Variants in KIF5B observed in about 807,000 individuals in gnomAD.
KIF5B encodes kinesin family member 5B, also known as kinesin-1 heavy chain.
Under a neutral mutation model 132.8 loss-of-function variants are expected in KIF5B, and 49 were observed. The observed-to-expected ratio is 0.37, with a 90% CI of 0.29 to 0.47. The LOEUF (loss-of-function observed/expected upper bound fraction) is 0.47, where lower values mean the gene tolerates loss of function less well. Among genes scored for constraint, KIF5B ranks in the 20% least tolerant of loss-of-function variants. KIF5B has a pLI of 1.00. For synonymous variants in KIF5B, 355 were observed against 369.4 expected, an observed-to-expected ratio of 0.96 and a Z score of 0.45; for missense variants, 780 against 1,144.0, an observed-to-expected ratio of 0.68 and a Z score of 4.59.
chr10:32,043,185 T>C (rs1455550889), intron 2 of KIF5B, among the ~76,000 whole-genome samples: 1 of 152,152 alleles, frequency 6.6e-6, no homozygotes, highest in Non-Finnish European at 1.5e-5. Flanking sequence ...TTATTTTTAG[T>C]AGAGACAGGG....
intron 2 of KIF5B, among the ~76,000 whole-genome samples, chr10:32,042,509 C>T (rs967646177): frequency 1.3e-5 from 2 of 152,142 alleles, no homozygotes; most frequent in African/African-American, 2.4e-5. Context: ...AATGAGTATT[C>T]GATCAATTTA....
In KIF5B at chr10:32,036,511, C is replaced by A. The variant is rs566723263; in HGVS notation, c.712-517G>T. Among the ~76,000 whole-genome samples the A allele has an allele frequency of 6.4e-4, 98 of 152,188 alleles. No individual in the cohort carries two copies. In the Middle Eastern group the frequency reaches 0.014, roughly 21 times the overall value. ...CCCAGCTCACTGCAACCTCCGCTTC[C>A]CGGGTTCAACCAATTCTCCTGCCTC... On this transcript the variant is annotated intron_variant, in intron 8 of 25. Transcript: ENST00000302418.
rs1032584695 is a variant in KIF5B, at chr10:32,009,488, A to C, written c.*2049T>G. The C allele has an allele frequency of 2.0e-5, 3 of 152,206 alleles. No homozygotes were observed. The highest frequency in any genetic ancestry group is 1.5e-5 in the Non-Finnish European group (1 of 68,022). 9.4% of individuals were successfully genotyped at this position (152,206 alleles called of 1,614,324 possible). On this transcript the variant is annotated 3_prime_UTR_variant, in exon 26 of 26. Transcript: ENST00000302418. ...AACAAATTTATGAAATTCTTGGTAC[A>C]CTTTATGAAAGTCTGAAATTATAAA...
chr10:32,038,919 A>T lies in KIF5B; in HGVS notation c.394-93T>A. 3.9e-6 allele frequency: 3 copies of T among 759,812 alleles called. No individual in the cohort carries two copies. The East Asian group carries it at 8.1e-5, about 21-fold the overall frequency. The allele number at this position is 759,812 out of a possible 1,614,324, so 47.1% of individuals were successfully genotyped here. On this transcript the variant is annotated intron_variant, in intron 4 of 25. Coordinates refer to ENST00000302418, the MANE Select transcript of KIF5B (RefSeq NM_004521.3). ...GAGTGCTAGGCATTGTTTAGACTAG[A>T]GAGACAGTTATCAACATACCAGCCA...
At chr10:32,024,062 A>C (rs1017429165) in intron 15 of KIF5B, among the ~76,000 whole-genome samples, 6 of 75,422 alleles carry the variant, frequency 8.0e-5, no homozygotes, top group African/African-American at 1.5e-4. Flanking sequence ...AAAAAAAAAA[A>C]ACAAAAAAAA....
chr10:32,052,442 T>C (rs1322909430), intron 1 of KIF5B, among the ~76,000 whole-genome samples: 1 of 152,258 alleles, frequency 6.6e-6, no homozygotes, highest in Non-Finnish European at 1.5e-5. Flanking sequence ...TCTCTTCTAA[T>C]TTCTCGGAAC....
chr10:32,016,406 A>G (rs1841164572), intron 24 of KIF5B, among the ~76,000 whole-genome samples: 1 of 151,870 alleles, frequency 6.6e-6, no homozygotes, highest in Admixed American at 6.6e-5. Context: ...CAGTGAGCCG[A>G]GATCACGCCA....
intron 3 of KIF5B, 53 bp downstream of exon 3, chr10:32,040,331 T>C: frequency 1.0e-6 from 1 of 1,002,518 alleles, no homozygotes; most frequent in South Asian, 1.3e-5. Flanking sequence ...TCACAAATAA[T>C]GAATGCTGTA....
chr10:32,012,780 AG>A (rs1592434648), intron 25 of KIF5B, among the ~76,000 whole-genome samples: 2 of 152,212 alleles, frequency 1.3e-5, no homozygotes, highest in East Asian at 3.8e-4. Flanking sequence ...ATATCCAAAA[AG>A]GATAAACTTT....
intron 25 of KIF5B, among the ~76,000 whole-genome samples, chr10:32,011,811 T>C (rs891332519): frequency 1.3e-5 from 2 of 152,078 alleles, no homozygotes; most frequent in Admixed American, 6.6e-5. Flanking sequence ...GATTTATGAA[T>C]TGTATTTGTT....
intron 17 of KIF5B, among the ~76,000 whole-genome samples, chr10:32,021,503 T>A (rs1841260589): frequency 7.0e-6 from 1 of 143,236 alleles, no homozygotes; most frequent in African/African-American, 2.6e-5. Context: ...ATGGTTTGTT[T>A]GGTTTTTTTT....
intron 25 of KIF5B, among the ~76,000 whole-genome samples, chr10:32,014,484 T>TCTATTACAACAGTAATAA (rs1286464934): frequency 1.3e-5 from 2 of 151,644 alleles, no homozygotes; most frequent in Non-Finnish European, 2.9e-5. Flanking sequence ...ATAAGTGGAG[T>TCTATTACAACAGTAATAA]CTATTACAAT....
At chr10:32,039,783 A>C (rs1034325363) in intron 3 of KIF5B, among the ~76,000 whole-genome samples, 3 of 152,200 alleles carry the variant, frequency 2.0e-5, no homozygotes, top group Non-Finnish European at 4.4e-5. Flanking sequence ...AAATACTAGG[A>C]TGTCCTTGTT....
chr10:32,022,885 T>A lies in KIF5B; in HGVS notation c.1877A>T (p.Glu626Val). 1 of 1,613,482 alleles carries A rather than the reference T, an allele frequency of 6.2e-7. No homozygotes were observed. Among genetic ancestry groups the A allele is most frequent in the Non-Finnish European group, 8.5e-7 (1 of 1,179,566 alleles). Reference sequence around the variant, plus strand: ...AAGCTGACATGCTGCTAACTCCTTTTCATTTTCTTCCATTTTTTTGTTGCT... The same window carrying A: ...AAGCTGACATGCTGCTAACTCCTTTACATTTTCTTCCATTTTTTTGTTGCT... The part of the protein sequence containing the change: ...TESNKKMEEN[E>V]KELAACQLRI... The change falls in exon 16 of 26, where the codon GAA becomes GTA. Residue 626 changes from glutamate to valine, a missense_variant. Physicochemically the swap from Glu to Val is moderately radical, Grantham distance 121. Around this residue, in one of 9 missense-constraint regions of KIF5B, gnomAD observed 471 missense variants for 569.9 expected, o/e 0.83. Transcript: ENST00000302418.
rs1352040665 is a variant in KIF5B at position 32,010,835 on chromosome 10, G to A, written c.*702C>T. On this transcript the variant is annotated 3_prime_UTR_variant, in exon 26 of 26. Coordinates refer to ENST00000302418, the MANE Select transcript of KIF5B (RefSeq NM_004521.3). Reference sequence around the variant, plus strand: ...AAAATATTTCTATTCAAAATAACTCGGCAACAGGCATTTCATGAGATAACA... The same window carrying A: ...AAAATATTTCTATTCAAAATAACTCAGCAACAGGCATTTCATGAGATAACA... The A allele has an allele frequency of 2.6e-5, 4 of 151,954 alleles. No individual in the cohort carries two copies. The highest frequency in any genetic ancestry group is 6.6e-5 in the Admixed American group (1 of 15,246). The allele number at this position is 151,954 out of a possible 1,614,324, so 9.4% of individuals were successfully genotyped here.
intron 14 of KIF5B, among the ~76,000 whole-genome samples, chr10:32,030,175 T>C (rs987635547): frequency 1.1e-4 from 16 of 152,200 alleles, no homozygotes; most frequent in Admixed American, 6.5e-4. Flanking sequence ...GTCATCATTG[T>C]TGGAGGTTGG....
At chr10:32,038,885 T>A in intron 4 of KIF5B, 59 bp from the exon 5 acceptor site, 1 of 1,060,368 alleles carries the variant, frequency 9.4e-7, no homozygotes. Flanking sequence ...TATTCGCATA[T>A]TGAGGTCTGA....
intron 25 of KIF5B, among the ~76,000 whole-genome samples, chr10:32,014,549 A>G (rs962203045): frequency 6.7e-6 from 1 of 149,848 alleles, no homozygotes; most frequent in East Asian, 2.0e-4. Flanking sequence ...AAGCTCCAGA[A>G]AGAGAGAGAG....
chr10:32,020,918 T>TA (rs1213068255), intron 19 of KIF5B, 104 bp downstream of exon 19: 2 of 604,130 alleles, frequency 3.3e-6, no homozygotes, highest in African/African-American at 3.7e-5. Context: ...TTTTCCAAGA[T>TA]AAAAATGTAA....
Sources: gnomAD v4.1 joint callset for allele counts (sites outside exome capture counted in the v4.1 genomes callset) on GRCh38, gnomAD v4.1.1 for gene constraint, gnomAD v4.1.1 regional missense constraint, MANE v1.5 for transcripts, NCBI Gene and HGNC (gene_info 2026-07-23, HGNC 2026-07-21) for gene names.